Variants in ZNF454 observed in about 807,000 individuals in gnomAD.
The protein encoded by ZNF454 is zinc finger protein 454.
Under a neutral mutation model 48.2 loss-of-function variants are expected in ZNF454, and 30 were observed. That is an observed-to-expected ratio of 0.62 (90% CI 0.47 to 0.84). ZNF454 has a LOEUF of 0.84. Ranked by LOEUF, ZNF454 falls within the 40% of genes least tolerant of loss-of-function variation. The pLI is 0.00. For synonymous variants in ZNF454, 204 were observed against 211.4 expected (o/e 0.97, Z 0.30); for missense variants, 510 against 623.1 (o/e 0.82, Z 1.93).
chr5:178,986,559 C>T, the ZNF454 span: 19 of 1,607,846 alleles, frequency 1.2e-5, no homozygotes, highest in East Asian at 4.5e-5. Flanking sequence ...TGTGGTTGGG[C>T]GTGGGCCTCA....
Position 178,946,823 on chromosome 5 carries a change from G to C in ZNF454, c.161-74G>C. ...ATTTCCCAGCAAGCTCTGAGGACCA[G>C]GCTTTGTCTTTGCAGTGATTTTTAT... On this transcript the variant is annotated intron_variant, in intron 3 of 4. Coordinates refer to ENST00000519564, the MANE Select transcript of ZNF454 (RefSeq NM_001178089.3). The surrounding 1 kb of genome is among the most constrained non-coding windows in gnomAD (Gnocchi z 4.5). The C allele has an allele frequency of 7.2e-7, 1 of 1,382,628 alleles. No homozygotes were observed. The highest frequency in any genetic ancestry group is 2.3e-5 in the East Asian group (1 of 43,764). The allele number at this position is 1,382,628 out of a possible 1,614,324, so 85.6% of individuals were successfully genotyped here.
chr5:178,960,697 A>G lies in ZNF454; in HGVS notation c.251-3958A>G, dbSNP rs372561373. Among the ~76,000 whole-genome samples the G allele has an allele frequency of 6.6e-5, 10 of 151,872 alleles. No homozygotes were observed. In the East Asian group the frequency reaches 1.6e-3, roughly 24 times the overall value. ...ATTTTTAAAGTTATGTTGTGTGCAT[A>G]CAAATGAAAATTTGTTGTATGTTCC... is the stretch of plus-strand genomic sequence containing the variant. On this transcript the variant is annotated intron_variant, in intron 4 of 4. Coordinates refer to ENST00000519564, the MANE Select transcript of ZNF454 (RefSeq NM_001178089.3).
At chr5:178,983,249 C>T in the ZNF454 span, 3 of 1,585,264 alleles carry the variant, frequency 1.9e-6, no homozygotes, top group East Asian at 2.2e-5. Flanking sequence ...GCATCAGACA[C>T]AGCACTTTCC....
At chr5:178,986,763 A>G in the ZNF454 span, 885 of 1,609,438 alleles carry the variant, frequency 5.5e-4, 2 homozygotes, top group Non-Finnish European at 7.2e-4. Flanking sequence ...CCTGGGACGC[A>G]CAAAACACAG....
chr5:178,965,854 A>T lies in ZNF454; in HGVS notation c.1450A>T (p.Thr484Ser). 6.2e-7 allele frequency: 1 copy of T among 1,613,876 alleles called. No homozygotes were observed. The highest frequency in any genetic ancestry group is 8.5e-7 in the Non-Finnish European group (1 of 1,179,944). ...AGCCTTTATCCGAAGCACTCACCTG[A>T]CTCAACATCAGAGGATTCACACAGG... ...EKAFIRSTHLTQHQRIHTGEK... is the reference protein window; with the variant it reads ...EKAFIRSTHLSQHQRIHTGEK... Residue 484 changes from threonine to serine, a missense_variant, in exon 5 of 5, where the codon ACT (threonine) becomes TCT (serine). By Grantham distance (58) the Thr-to-Ser change is moderately conservative. Around this residue, in one of 3 missense-constraint regions of ZNF454, gnomAD observed 153 missense variants for 195.8 expected, o/e 0.78. Coordinates refer to ENST00000519564, the MANE Select transcript of ZNF454 (RefSeq NM_001178089.3). The surrounding 1 kb of genome is among the most constrained non-coding windows in gnomAD (Gnocchi z 5.2).
the ZNF454 span, chr5:178,982,921 A>G: frequency 1.2e-6 from 2 of 1,613,664 alleles, no homozygotes. Flanking sequence ...TTTTCAGCTG[A>G]CTGGGCAGTG....
At chr5:178,961,683 G>T (rs1008580693) in intron 4 of ZNF454, among the ~76,000 whole-genome samples, 1 of 151,194 alleles carries the variant, frequency 6.6e-6, no homozygotes, top group African/African-American at 2.4e-5. Context: ...AGCTGGGCAT[G>T]GCAGCGTGCA....
chr5:178,965,355 A>G lies in ZNF454; in HGVS notation c.951A>G (p.Lys317=). Residue 317 remains lysine (K), a synonymous_variant, in exon 5 of 5, where the codon AAA becomes AAG. Transcript: ENST00000519564. This position sits in a 1 kb window ranked among gnomAD's most constrained non-coding sequence, Gnocchi z 5.2. The part of the protein sequence containing the change: ...KAFVCRAHLT[K]HQNIHSGEKP... The stretch of plus-strand genomic sequence containing the variant: ...TTGTGTGCAGGGCACACCTTACCAA[A>G]CACCAGAATATCCACAGTGGAGAGA... The G allele has an allele frequency of 1.2e-6, 2 of 1,614,196 alleles. No homozygotes were observed. The highest frequency in any genetic ancestry group is 1.1e-5 in the South Asian group (1 of 91,088).
intron 4 of ZNF454, among the ~76,000 whole-genome samples, chr5:178,954,286 A>C (rs181472651): frequency 6.6e-6 from 1 of 152,078 alleles, no homozygotes; most frequent in Non-Finnish European, 1.5e-5. Context: ...ACTGTGTCTT[A>C]AAAAAATAAA....
intron 4 of ZNF454, among the ~76,000 whole-genome samples, chr5:178,958,692 C>A (rs777329954): frequency 1.4e-4 from 21 of 152,188 alleles, no homozygotes; most frequent in Non-Finnish European, 2.9e-4. Context: ...TATACTCCTA[C>A]CGGCGAAATG....
At chr5:178,973,773 G>A in the ZNF454 span, among the ~76,000 whole-genome samples, 3 of 151,422 alleles carry the variant, frequency 2.0e-5, no homozygotes, top group Admixed American at 2.0e-4. Context: ...AACCCAGGAG[G>A]CGGAGCTTGC....
chr5:178,982,316 G>A, the ZNF454 span, among the ~76,000 whole-genome samples: 4 of 152,076 alleles, frequency 2.6e-5, no homozygotes, highest in African/African-American at 7.2e-5. Flanking sequence ...AGTGGCTCAC[G>A]CCTGTCATCC....
At chr5:178,942,190 G>A (rs563273595) in intron 1 of ZNF454, among the ~76,000 whole-genome samples, 3 of 152,314 alleles carry the variant, frequency 2.0e-5, no homozygotes, top group South Asian at 4.1e-4. Context: ...GATCACCTGA[G>A]GTCCGGAGTT....
chr5:178,977,890 C>T, the ZNF454 span, among the ~76,000 whole-genome samples: 2 of 152,146 alleles, frequency 1.3e-5, no homozygotes, highest in African/African-American at 4.8e-5. Context: ...CAGCCAGATC[C>T]AGTCCTTTTA....
At chr5:178,961,930 A>G (rs912845717) in intron 4 of ZNF454, among the ~76,000 whole-genome samples, 8 of 151,696 alleles carry the variant, frequency 5.3e-5, no homozygotes, top group African/African-American at 1.9e-4. Flanking sequence ...ATTGTCTCAT[A>G]TAATCAATTG....
chr5:178,977,794 A>G, the ZNF454 span, among the ~76,000 whole-genome samples: 1 of 152,162 alleles, frequency 6.6e-6, no homozygotes. Context: ...CATGTTGGCC[A>G]GGCTGGTCTT....
chr5:178,986,582 A>C, the ZNF454 span: 1 of 1,606,840 alleles, frequency 6.2e-7, no homozygotes, highest in Non-Finnish European at 8.5e-7. Flanking sequence ...TCCCCAGGAC[A>C]GGCCTCGCAT....
rs1461314132 is a variant in ZNF454, at chr5:178,965,042, A to C, written c.638A>C (p.Glu213Ala). 6.2e-7 allele frequency: 1 copy of C among 1,614,084 alleles called. No individual in the cohort carries two copies. Among genetic ancestry groups the C allele is most frequent in the Non-Finnish European group, 8.5e-7 (1 of 1,180,040 alleles). ...GCAAATCAGAAAATTCATATTAAGGAGAAAAGATATGAATGTAGAGAATGT... is the reference window on the plus strand; with the variant it reads ...GCAAATCAGAAAATTCATATTAAGGCGAAAAGATATGAATGTAGAGAATGT... ...KNANQKIHIKEKRYECRECGK... is the reference protein window; with the variant it reads ...KNANQKIHIKAKRYECRECGK... Residue 213 changes from glutamate to alanine, a missense_variant, in exon 5 of 5, where the codon GAG (glutamate) becomes GCG (alanine). Coordinates refer to ENST00000519564, the MANE Select transcript of ZNF454 (RefSeq NM_001178089.3). The surrounding 1 kb of genome is among the most constrained non-coding windows in gnomAD (Gnocchi z 5.2).
the ZNF454 span, chr5:178,985,559 C>G: frequency 3.0e-6 from 1 of 336,976 alleles, no homozygotes; most frequent in Non-Finnish European, 5.8e-6. Flanking sequence ...AAAAATTAGC[C>G]GGGCGTGGTG....
Sources: allele counts gnomAD v4.1 joint callset (sites outside exome capture counted in the v4.1 genomes callset), GRCh38; gene constraint gnomAD v4.1.1; regional missense constraint gnomAD v4.1.1; non-coding constraint Gnocchi (gnomAD v3.1); transcripts MANE v1.5; gene names NCBI Gene and HGNC (gene_info 2026-07-23, HGNC 2026-07-21).